Variants in SLC44A1 observed in about 807,000 individuals in gnomAD.
SLC44A1 encodes the protein choline transporter-like protein 1.
In SLC44A1, 26 loss-of-function variants were observed where a neutral mutation model predicts 79.3. The observed-to-expected ratio is 0.33, with a 90% CI of 0.24 to 0.46. The LOEUF (loss-of-function observed/expected upper bound fraction) is 0.46, where lower values mean the gene tolerates loss of function less well. Ranked by LOEUF, SLC44A1 falls within the 20% of genes least tolerant of loss-of-function variation. The pLI is 1.00. For synonymous variants in SLC44A1, 263 were observed against 286.2 expected, an observed-to-expected ratio of 0.92 and a Z score of 0.82; for missense variants, 688 against 798.1, an observed-to-expected ratio of 0.86 and a Z score of 1.66.
At chr9:105,375,465 G>A (rs935738138) in intron 13 of SLC44A1, among the ~76,000 whole-genome samples, 5 of 152,130 alleles carry the variant, frequency 3.3e-5, no homozygotes, top group African/African-American at 1.2e-4. Context: ...GTGTGACCTG[G>A]GCAGGTTAGA....
chr9:105,408,629 T>C (rs1829058861), intron 15 of SLC44A1, among the ~76,000 whole-genome samples: 1 of 152,220 alleles, frequency 6.6e-6, no homozygotes, highest in African/African-American at 2.4e-5. Context: ...CAGGCTGGTC[T>C]CGAACTCCTG....
At chr9:105,246,169 A>C (rs961561485) in intron 1 of SLC44A1, among the ~76,000 whole-genome samples, 2 of 152,172 alleles carry the variant, frequency 1.3e-5, no homozygotes, top group Admixed American at 6.6e-5. Context: ...GGGGGAAAAA[A>C]TTCCTCCAGA....
In SLC44A1 at chr9:105,393,185, C is replaced by G. The variant is rs954531456; in HGVS notation, c.*4129C>G. Reference sequence around the variant, plus strand: ...ATATTTGTGTATTCTGTATTCACAGCGTAGGCTGCCTTTTGCTTTAAATGC... The same window carrying G: ...ATATTTGTGTATTCTGTATTCACAGGGTAGGCTGCCTTTTGCTTTAAATGC... On this transcript the variant is annotated 3_prime_UTR_variant, in exon 16 of 16. Transcript: ENST00000374720. 1.0e-6 allele frequency: 1 copy of G among 985,302 alleles called. No individual in the cohort carries two copies. The highest frequency in any genetic ancestry group is 1.7e-5 in the African/African-American group (1 of 57,238). The allele number at this position is 985,302 out of a possible 1,614,324, so 61.0% of individuals were successfully genotyped here. A position where few individuals can be genotyped will look rare whatever the true frequency, so the allele number is the denominator to read the frequency against.
At chr9:105,342,975 TAA>T (rs534467462) in intron 4 of SLC44A1, among the ~76,000 whole-genome samples, 10,259 of 140,944 alleles carry the variant, frequency 0.073, 1,199 homozygotes, top group African/African-American at 0.25. Context: ...TCCTTGTCTC[TAA>T]AAAAAAAAAA....
intron 3 of SLC44A1, among the ~76,000 whole-genome samples, chr9:105,321,047 A>G (rs979855676): frequency 1.3e-5 from 2 of 152,110 alleles, no homozygotes; most frequent in Admixed American, 1.3e-4. Flanking sequence ...ACATCTTTTG[A>G]TGAGCAAAAG....
chr9:105,323,810 A>G (rs545891581), intron 3 of SLC44A1, among the ~76,000 whole-genome samples: 1 of 152,256 alleles, frequency 6.6e-6, no homozygotes, highest in African/African-American at 2.4e-5. Flanking sequence ...TCATAGACAC[A>G]GCTTGGTCTT....
chr9:105,342,403 A>AG (rs1296312295), intron 4 of SLC44A1, among the ~76,000 whole-genome samples: 1 of 152,062 alleles, frequency 6.6e-6, no homozygotes, highest in East Asian at 1.9e-4. Flanking sequence ...TAGCATATAG[A>AG]GGGTTTGGTA....
intron 13 of SLC44A1, among the ~76,000 whole-genome samples, chr9:105,380,125 A>T (rs988832372): frequency 6.6e-6 from 1 of 152,124 alleles, no homozygotes; most frequent in Admixed American, 6.5e-5. Context: ...CAATCGTGGG[A>T]TGTATGTATT....
intron 4 of SLC44A1, among the ~76,000 whole-genome samples, chr9:105,338,490 T>C (rs1281959252): frequency 6.6e-6 from 1 of 152,184 alleles, no homozygotes; most frequent in Non-Finnish European, 1.5e-5. Context: ...TCATGATTCA[T>C]TGCAGCCTTG....
At chr9:105,365,687 C>G in intron 11 of SLC44A1, 48 bp downstream of exon 11, 1 of 1,534,700 alleles carries the variant, frequency 6.5e-7, no homozygotes, top group Non-Finnish European at 9.0e-7. Context: ...CATTCCAGAC[C>G]TCAGTTCTGC....
At chr9:105,424,758 CCAA>C (rs1286320761) in intron 15 of SLC44A1, among the ~76,000 whole-genome samples, 1 of 151,926 alleles carries the variant, frequency 6.6e-6, no homozygotes, top group Non-Finnish European at 1.5e-5. Context: ...ACCAGCCTGG[CCAA>C]CAAGGTGAAA....
intron 6 of SLC44A1, among the ~76,000 whole-genome samples, chr9:105,356,808 T>G (rs1827637621): frequency 6.6e-6 from 1 of 152,192 alleles, no homozygotes; most frequent in Non-Finnish European, 1.5e-5. Context: ...GTATGTAATT[T>G]TTTTTTCATT....
chr9:105,351,565 A>G lies in SLC44A1; in HGVS notation c.500+3114A>G, dbSNP rs1297526985. 3.3e-4 allele frequency among the ~76,000 whole-genome samples: 41 copies of G among 122,908 alleles called. 1 individual carries two copies. Among genetic ancestry groups the G allele is most frequent in the Admixed American group, 6.3e-4 (8 of 12,758 alleles). 80.6% of individuals were successfully genotyped at this position (122,908 alleles called of 152,430 possible). ...GAAAGAAAGAAAGAAAGAGAGAAAG[A>G]GAGAAAGAGAGAAAGAGAGAAAGAG... is the stretch of plus-strand genomic sequence containing the variant. On this transcript the variant is annotated intron_variant, in intron 5 of 15. Transcript: ENST00000374720.
chr9:105,434,546 T>C (rs1453811768), intron 15 of SLC44A1, among the ~76,000 whole-genome samples: 2 of 152,208 alleles, frequency 1.3e-5, no homozygotes, highest in African/African-American at 4.8e-5. Context: ...TAATAATTCC[T>C]TTACACCATA....
Position 105,365,667 on chromosome 9 carries a change from T to C in SLC44A1, c.1410+28T>C, listed in dbSNP as rs773588537. 8.1e-6 allele frequency: 13 copies of C among 1,599,722 alleles called. No individual in the cohort carries two copies. In the Admixed American group the frequency reaches 1.3e-4, roughly 16 times the overall value. On this transcript the variant is annotated intron_variant, in intron 11 of 15. Transcript: ENST00000374720. ...AAGGGGAAAATGCATTTCTGTACTTTCTGTGGGCACATTCCAGACCTCAGT... is the reference window on the plus strand; with the variant it reads ...AAGGGGAAAATGCATTTCTGTACTTCCTGTGGGCACATTCCAGACCTCAGT...
intron 3 of SLC44A1, among the ~76,000 whole-genome samples, chr9:105,318,790 A>G (rs906766247): frequency 4.2e-5 from 6 of 142,066 alleles, no homozygotes; most frequent in Non-Finnish European, 7.4e-5. Context: ...TAAATAGGGA[A>G]GTGAAAACCT....
intron 15 of SLC44A1, among the ~76,000 whole-genome samples, chr9:105,435,459 A>G (rs1487866609): frequency 6.6e-6 from 1 of 152,106 alleles, no homozygotes; most frequent in Non-Finnish European, 1.5e-5. Flanking sequence ...TTTTTTGGAC[A>G]GGGGAAGAAT....
At chr9:105,341,645 A>G (rs1827095974) in intron 4 of SLC44A1, among the ~76,000 whole-genome samples, 1 of 152,194 alleles carries the variant, frequency 6.6e-6, no homozygotes, top group Non-Finnish European at 1.5e-5. Context: ...AGGCTCACGC[A>G]GTAGATAAGT....
chr9:105,354,780 C>G lies in SLC44A1; in HGVS notation c.501-1432C>G, dbSNP rs145172265. On this transcript the variant is annotated intron_variant, in intron 5 of 15. Coordinates refer to ENST00000374720, the MANE Select transcript of SLC44A1 (RefSeq NM_080546.5). ...TCTTACCATCAATGGTGCTCATTTA[C>G]TAACATTTAAGGGAAACTAATACAT... is the stretch of plus-strand genomic sequence containing the variant. Among the ~76,000 whole-genome samples the G allele has an allele frequency of 4.1e-3, 624 of 152,308 alleles. 4 individuals are homozygous for G. The highest frequency in any genetic ancestry group is 5.2e-3 in the Non-Finnish European group (354 of 68,020).
Sources: allele counts gnomAD v4.1 joint callset (sites outside exome capture counted in the v4.1 genomes callset), GRCh38; gene constraint gnomAD v4.1.1; transcripts MANE v1.5; gene names NCBI Gene and HGNC (gene_info 2026-07-23, HGNC 2026-07-21).